The following SLC39A11 variants were observed in gnomAD, a reference collection of about 807,000 sequenced individuals.
SLC39A11 encodes solute carrier family 39 member 11, also known as zinc transporter ZIP11.
A neutral mutation model predicts 36.1 loss-of-function variants in SLC39A11; 33 were observed. The ratio of observed to expected loss-of-function variants is 0.91; its 90% CI spans 0.69 to 1.22. SLC39A11 has a LOEUF of 1.22. SLC39A11 is among the 50% of genes most tolerant of loss of function. The pLI is 0.00. For missense variants in SLC39A11, 432 were observed against 430.3 expected (o/e 1.00, Z -0.03); for synonymous variants, 166 against 170.3 (o/e 0.97, Z 0.20).
At chr17:72,991,362 A>ATT (rs567932815) in intron 4 of SLC39A11, among the ~76,000 whole-genome samples, 2 of 146,164 alleles carry the variant, frequency 1.4e-5, no homozygotes, top group East Asian at 2.0e-4. Context: ...TTATTTTTTA[A>ATT]TTTTTTTTTT....
chr17:72,938,093 T>A (rs1235998225), intron 5 of SLC39A11, among the ~76,000 whole-genome samples: 1 of 152,164 alleles, frequency 6.6e-6, no homozygotes, highest in Non-Finnish European at 1.5e-5. Context: ...TCATGTTTCC[T>A]TGAGACAACT....
rs1009417950 is a variant in SLC39A11 at position 72,927,791 on chromosome 17, T to C, written c.430+19961A>G. Reference sequence around the variant, plus strand: ...TTACATGCAAAAATAATCAGTTCTATTGAGAAGGAAATGTATACACACACA... The same window carrying C: ...TTACATGCAAAAATAATCAGTTCTACTGAGAAGGAAATGTATACACACACA... On this transcript the variant is annotated intron_variant, in intron 5 of 9. Transcript: ENST00000255559. 2.0e-5 allele frequency among the ~76,000 whole-genome samples: 3 copies of C among 151,812 alleles called. No individual in the cohort carries two copies. In the East Asian group the frequency reaches 5.8e-4, roughly 29 times the overall value.
chr17:73,024,783 C>T lies in SLC39A11; in HGVS notation c.306+6773G>A, dbSNP rs150909618. 1.2e-3 allele frequency among the ~76,000 whole-genome samples: 185 copies of T among 152,078 alleles called. 2 individuals carry two copies. In the East Asian group the frequency reaches 0.031, roughly 26 times the overall value. On this transcript the variant is annotated intron_variant, in intron 4 of 9. Transcript: ENST00000255559. Reference sequence around the variant, plus strand: ...CGTGATCCCGGCTCACTGAAGCCTCCGCCTCTTAGGTTCAAGGGATTCTGC... The same window carrying T: ...CGTGATCCCGGCTCACTGAAGCCTCTGCCTCTTAGGTTCAAGGGATTCTGC...
intron 7 of SLC39A11, among the ~76,000 whole-genome samples, chr17:72,730,669 T>C (rs930221734): frequency 1.3e-5 from 2 of 152,170 alleles, no homozygotes; most frequent in Non-Finnish European, 2.9e-5. Context: ...TAGCATATTA[T>C]TATTTTTTGA....
intron 3 of SLC39A11, among the ~76,000 whole-genome samples, chr17:73,051,349 C>G (rs2059491970): frequency 6.6e-6 from 1 of 152,062 alleles, no homozygotes. Flanking sequence ...ATTTCCGAGC[C>G]CTAAAAAGAC....
intron 7 of SLC39A11, among the ~76,000 whole-genome samples, chr17:72,733,441 A>G (rs888792179): frequency 6.6e-6 from 1 of 151,542 alleles, no homozygotes; most frequent in Non-Finnish European, 1.5e-5. Flanking sequence ...GAACGGGTGC[A>G]TGAATGAATG....
rs112463713 is a variant in SLC39A11 at position 72,964,568 on chromosome 17, G to T, written c.307-16693C>A. Among the ~76,000 whole-genome samples the T allele has an allele frequency of 7.8e-3, 1,181 of 152,322 alleles. 20 individuals are homozygous for T. The highest frequency in any genetic ancestry group is 0.026 in the African/African-American group (1,097 of 41,570). On this transcript the variant is annotated intron_variant, in intron 4 of 9. Transcript: ENST00000255559. ...AATTGAAGTAAAAGACTGTAAATTG[G>T]GAATGGGCGTGACACTCAATGTTCT...
chr17:72,800,557 C>T (rs2077051499), intron 6 of SLC39A11, among the ~76,000 whole-genome samples: 1 of 152,128 alleles, frequency 6.6e-6, no homozygotes, highest in Non-Finnish European at 1.5e-5. Flanking sequence ...GTGACCCACC[C>T]ACCTCAGCCT....
At chr17:72,821,026 AG>A (rs2077756311) in intron 6 of SLC39A11, among the ~76,000 whole-genome samples, 1 of 150,836 alleles carries the variant, frequency 6.6e-6, no homozygotes, top group Non-Finnish European at 1.5e-5. Context: ...CCCAGGATGG[AG>A]GGTGTTGCAG....
chr17:72,885,522 C>G (rs182827309), intron 5 of SLC39A11, among the ~76,000 whole-genome samples: 2 of 152,238 alleles, frequency 1.3e-5, no homozygotes, highest in East Asian at 3.9e-4. Context: ...TCCAATGAAC[C>G]TGTCCTGTGC....
chr17:72,711,382 T>C (rs1459727447), intron 7 of SLC39A11, among the ~76,000 whole-genome samples: 1 of 152,178 alleles, frequency 6.6e-6, no homozygotes, highest in African/African-American at 2.4e-5. Context: ...TTACTCCCTC[T>C]GCCTCCATCC....
At chr17:72,754,043 TATACACATACACAC>T (rs1207398598) in intron 6 of SLC39A11, among the ~76,000 whole-genome samples, 24 of 47,724 alleles carry the variant, frequency 5.0e-4, no homozygotes, top group African/African-American at 1.5e-3. Flanking sequence ...TATATATATA[TATACACATACACAC>T]ACACACACAC....
intron 7 of SLC39A11, among the ~76,000 whole-genome samples, chr17:72,721,505 C>G (rs1255828046): frequency 6.6e-6 from 1 of 152,050 alleles, no homozygotes; most frequent in African/African-American, 2.4e-5. Flanking sequence ...TGTGATGATT[C>G]AAGAGAATGA....
intron 6 of SLC39A11, among the ~76,000 whole-genome samples, chr17:72,790,786 G>A (rs923844921): frequency 6.6e-6 from 1 of 152,106 alleles, no homozygotes; most frequent in African/African-American, 2.4e-5. Flanking sequence ...GCCTGCCTCG[G>A]CCTCCCAAAG....
intron 6 of SLC39A11, among the ~76,000 whole-genome samples, chr17:72,814,768 A>T (rs866096840): frequency 3.0e-4 from 45 of 152,378 alleles, no homozygotes; most frequent in Middle Eastern, 3.4e-3. Context: ...GGTCATCCAC[A>T]ATGCATCCTG....
At chr17:72,957,266 G>C (rs1480123211) in intron 4 of SLC39A11, among the ~76,000 whole-genome samples, 1 of 152,222 alleles carries the variant, frequency 6.6e-6, no homozygotes, top group East Asian at 1.9e-4. Context: ...GACCTGCAAT[G>C]TCACATTGTC....
intron 9 of SLC39A11, 37 bp from the exon 10 acceptor site, chr17:72,647,699 A>G (rs1037464954): frequency 1.3e-6 from 2 of 1,580,504 alleles, no homozygotes; most frequent in African/African-American, 2.7e-5. Flanking sequence ...TAAGACCTTA[A>G]TGATCCCTGA....
intron 4 of SLC39A11, among the ~76,000 whole-genome samples, chr17:72,966,557 T>A (rs1416812869): frequency 8.1e-6 from 1 of 123,844 alleles, no homozygotes; most frequent in Non-Finnish European, 1.7e-5. Context: ...TTCATCTGTT[T>A]TTTTTTGTTA....
At chr17:72,684,675 G>A (rs529109276) in intron 7 of SLC39A11, among the ~76,000 whole-genome samples, 183 of 152,332 alleles carry the variant, frequency 1.2e-3, no homozygotes, top group Non-Finnish European at 2.2e-3. Flanking sequence ...TGACTTTGGT[G>A]AGTCTCTCTC....
Sources: allele counts gnomAD v4.1 joint callset (sites outside exome capture counted in the v4.1 genomes callset), GRCh38; gene constraint gnomAD v4.1.1; transcripts MANE v1.5; gene names NCBI Gene and HGNC (gene_info 2026-07-23, HGNC 2026-07-21).